Variants in CLUAP1 observed in about 807,000 individuals in gnomAD.
CLUAP1 encodes the protein clusterin-associated protein 1.
Under a neutral mutation model 55.0 loss-of-function variants are expected in CLUAP1, and 50 were observed. The ratio of observed to expected loss-of-function variants is 0.91; its 90% CI spans 0.72 to 1.15. CLUAP1 has a LOEUF of 1.15. Ranked by LOEUF, CLUAP1 falls within the 50% of genes most tolerant of loss-of-function variation. The pLI, the probability that CLUAP1 is intolerant of heterozygous loss-of-function variation, is 0.00. For synonymous variants in CLUAP1, 195 were observed against 175.4 expected, an observed-to-expected ratio of 1.11 and a Z score of -0.88; for missense variants, 530 against 507.6, an observed-to-expected ratio of 1.04 and a Z score of -0.42.
In CLUAP1 at chr16:3,508,004, T is replaced by G. The variant is rs375602332; in HGVS notation, c.220-285T>G. 1.4e-4 allele frequency among the ~76,000 whole-genome samples: 22 copies of G among 152,310 alleles called. 1 individual carries two copies. In the South Asian group the frequency reaches 4.6e-3, roughly 32 times the overall value. On this transcript the variant is annotated intron_variant, in intron 3 of 11. Transcript: ENST00000576634. The stretch of plus-strand genomic sequence containing the variant: ...AACAAATAACCTGTACATCTCATTT[T>G]GTTTGTGTTTGAGTGTGTCCCTAGA...
At chr16:3,529,669 AT>A (rs56668684) in intron 9 of CLUAP1, among the ~76,000 whole-genome samples, 199 of 18,360 alleles carry the variant, frequency 0.011, 22 homozygotes, top group African/African-American at 0.086. Context: ...ATTATATATT[AT>A]TATATATTAT....
At chr16:3,506,197 T>C in intron 2 of CLUAP1, 134 bp from the exon 3 acceptor site, 1 of 699,100 alleles carries the variant, frequency 1.4e-6, no homozygotes, top group Non-Finnish European at 2.5e-6. Flanking sequence ...AAGTTTGCCT[T>C]GATCTCACTC....
At chr16:3,504,980 G>C in intron 2 of CLUAP1, 149 bp downstream of exon 2, 1 of 635,288 alleles carries the variant, frequency 1.6e-6, no homozygotes, top group Non-Finnish European at 2.9e-6. Context: ...AAGGAGTTGT[G>C]GCTGGGCACA....
intron 7 of CLUAP1, among the ~76,000 whole-genome samples, 168 bp from the exon 8 acceptor site, chr16:3,522,990 G>A (rs952178174): frequency 3.9e-5 from 6 of 152,090 alleles, no homozygotes; most frequent in African/African-American, 1.2e-4. Flanking sequence ...TCATTTTGGG[G>A]GGAGAAAGCA....
intron 9 of CLUAP1, among the ~76,000 whole-genome samples, chr16:3,529,228 A>G (rs2038008232): frequency 6.6e-6 from 1 of 150,590 alleles, no homozygotes; most frequent in African/African-American, 2.4e-5. Flanking sequence ...TCAACATAGT[A>G]CTTGGTATGT....
chr16:3,495,637 C>A, the CLUAP1 span: 2 of 605,388 alleles, frequency 3.3e-6, no homozygotes, highest in Non-Finnish European at 2.1e-6. Flanking sequence ...GGGCCAGAAC[C>A]CTGGGGGAAG....
At position 3,527,869 on chromosome 16, in the gene CLUAP1, G is replaced by A. The variant is rs61535991; in HGVS notation, c.928+1385G>A. On this transcript the variant is annotated intron_variant, in intron 9 of 11. Transcript: ENST00000576634. ...CCTGTCCAGTGGATACGTGACCCAT[G>A]TGACCTTACCTATCACTGAAGATGG... 2.0e-4 allele frequency among the ~76,000 whole-genome samples: 30 copies of A among 152,264 alleles called. No homozygotes were observed. In the East Asian group the frequency reaches 5.8e-3, roughly 29 times the overall value.
At chr16:3,511,546 C>G (rs1247601957) in intron 4 of CLUAP1, among the ~76,000 whole-genome samples, 1 of 152,202 alleles carries the variant, frequency 6.6e-6, no homozygotes, top group Non-Finnish European at 1.5e-5. Context: ...GGACGAAACA[C>G]AGGACGTCAG....
chr16:3,526,589 C>A, intron 9 of CLUAP1, 105 bp downstream of exon 9: 14 of 535,834 alleles, frequency 2.6e-5, no homozygotes, highest in Non-Finnish European at 2.7e-5. Flanking sequence ...GTATTTTCTT[C>A]TTTTTTTCAG....
At chr16:3,514,742 A>G (rs1466622028) in intron 5 of CLUAP1, among the ~76,000 whole-genome samples, 1 of 152,048 alleles carries the variant, frequency 6.6e-6, no homozygotes, top group East Asian at 1.9e-4. Context: ...GGGGTGAGGG[A>G]TCTCCCCAGG....
chr16:3,512,566 T>A, intron 5 of CLUAP1, 88 bp downstream of exon 5: 1 of 1,004,050 alleles, frequency 1.0e-6, no homozygotes, highest in Non-Finnish European at 1.5e-6. Flanking sequence ...CAGTTCTGAT[T>A]TAATGAAATA....
At chr16:3,524,740 C>T (rs2037909103) in intron 8 of CLUAP1, among the ~76,000 whole-genome samples, 1 of 151,974 alleles carries the variant, frequency 6.6e-6, no homozygotes. Context: ...TGGCCTTGAG[C>T]CTGACCAACC....
At chr16:3,512,126 C>T (rs907410406) in intron 4 of CLUAP1, among the ~76,000 whole-genome samples, 1 of 147,706 alleles carries the variant, frequency 6.8e-6, no homozygotes, top group African/African-American at 2.5e-5. Flanking sequence ...GTGGAGATTG[C>T]GGTGAGCCGA....
At chr16:3,519,034 G>A (rs1483963502) in intron 6 of CLUAP1, among the ~76,000 whole-genome samples, 3 of 152,240 alleles carry the variant, frequency 2.0e-5, no homozygotes, top group Non-Finnish European at 4.4e-5. Context: ...TCAGCTGGGT[G>A]GCAGTCCAGA....
chr16:3,521,477 G>A lies in CLUAP1; in HGVS notation c.713+1441G>A, dbSNP rs146182826. On this transcript the variant is annotated intron_variant, in intron 7 of 11. Coordinates refer to ENST00000576634, the MANE Select transcript of CLUAP1 (RefSeq NM_015041.3). ...GAGTTGGAGTTTCGCTCTTGTTGCC[G>A]AGGCTGGAGTGCAATGGCGCGATCC... Among the ~76,000 whole-genome samples, 1,042 of 148,902 alleles carry A rather than the reference G, an allele frequency of 7.0e-3. 16 individuals are homozygous for A. The highest frequency in any genetic ancestry group is 0.025 in the African/African-American group (991 of 40,354).
chr16:3,497,190 A>C (rs1039145224), upstream of CLUAP1, among the ~76,000 whole-genome samples: 1 of 152,038 alleles, frequency 6.6e-6, no homozygotes, highest in African/African-American at 2.4e-5. Context: ...TGTATGTAGG[A>C]AATATTAAAT....
upstream of CLUAP1, among the ~76,000 whole-genome samples, chr16:3,498,897 A>G (rs190041615): frequency 6.6e-5 from 7 of 106,340 alleles, no homozygotes; most frequent in South Asian, 8.5e-4. Flanking sequence ...CAACAACAAC[A>G]AAAAAAAGTG....
At chr16:3,495,936 C>A in the CLUAP1 span, among the ~76,000 whole-genome samples, 1 of 152,018 alleles carries the variant, frequency 6.6e-6, no homozygotes, top group Non-Finnish European at 1.5e-5. Flanking sequence ...GTCAGGAGAT[C>A]GAGACCATCC....
chr16:3,532,708 G>C (rs1255693358), intron 10 of CLUAP1, 78 bp from the exon 11 acceptor site: 1 of 1,514,720 alleles, frequency 6.6e-7, no homozygotes, highest in East Asian at 2.3e-5. Flanking sequence ...TGCCTGGCCA[G>C]AAAACAAATC....
Sources: gnomAD v4.1 joint callset for allele counts (sites outside exome capture counted in the v4.1 genomes callset) on GRCh38, gnomAD v4.1.1 for gene constraint, MANE v1.5 for transcripts, NCBI Gene and HGNC (gene_info 2026-07-23, HGNC 2026-07-21) for gene names.